Variants in FAF1 observed in about 807,000 individuals in gnomAD.
FAF1 encodes the protein Fas associated factor 1, also known as FAS-associated factor 1.
In FAF1, 25 loss-of-function variants were observed where a neutral mutation model predicts 92.5. The ratio of observed to expected loss-of-function variants is 0.27; its 90% confidence interval spans 0.20 to 0.38. The LOEUF (loss-of-function observed/expected upper bound fraction) is 0.38, where lower values mean the gene tolerates loss of function less well. Ranked by LOEUF, FAF1 falls within the 10% of genes least tolerant of loss-of-function variation. The pLI is 1.00. For missense variants in FAF1, 636 were observed against 793.3 expected (o/e 0.80, Z 2.38); for synonymous variants, 234 against 273.2 (o/e 0.86, Z 1.42).
intron 1 of FAF1, among the ~76,000 whole-genome samples, chr1:50,933,728 T>A (rs1413983699): frequency 1.3e-5 from 2 of 152,226 alleles, no homozygotes; most frequent in East Asian, 3.8e-4. Context: ...ATGCTGCTGA[T>A]ACAGACACAT....
intron 6 of FAF1, among the ~76,000 whole-genome samples, chr1:50,710,312 T>C (rs1657865858): frequency 6.6e-6 from 1 of 152,214 alleles, no homozygotes; most frequent in Admixed American, 6.5e-5. Flanking sequence ...ACCAATTTTG[T>C]CTAGTTCTAC....
At chr1:50,585,883 A>T (rs1451900917) in intron 9 of FAF1, among the ~76,000 whole-genome samples, 2 of 143,708 alleles carry the variant, frequency 1.4e-5, no homozygotes, top group African/African-American at 5.4e-5. Flanking sequence ...CTCTACATAA[A>T]AAAAAAAAAA....
intron 7 of FAF1, among the ~76,000 whole-genome samples, chr1:50,674,732 G>C (rs1179387440): frequency 4.6e-5 from 7 of 152,054 alleles, no homozygotes; most frequent in Non-Finnish European, 1.0e-4. Context: ...GCCAATGAAA[G>C]TCACTTATTT....
At chr1:50,951,265 C>A (rs1198906399) in intron 1 of FAF1, among the ~76,000 whole-genome samples, 1 of 152,190 alleles carries the variant, frequency 6.6e-6, no homozygotes, top group Non-Finnish European at 1.5e-5. Flanking sequence ...TTGTTTCAAA[C>A]CAACCTATGA....
intron 1 of FAF1, among the ~76,000 whole-genome samples, chr1:50,885,295 T>TCTCTC (rs1644649703): frequency 7.3e-6 from 1 of 137,324 alleles, no homozygotes; most frequent in African/African-American, 2.9e-5. Context: ...CCGTGTCTCT[T>TCTCTC]TCTCTCTCTC....
chr1:50,944,866 A>C (rs1011235985), intron 1 of FAF1, among the ~76,000 whole-genome samples: 2 of 152,188 alleles, frequency 1.3e-5, no homozygotes, highest in African/African-American at 4.8e-5. Context: ...GGAATCCTGA[A>C]TTCTCAAAAT....
chr1:50,498,979 C>G (rs974669208), intron 15 of FAF1, among the ~76,000 whole-genome samples: 2 of 152,042 alleles, frequency 1.3e-5, no homozygotes, highest in African/African-American at 4.8e-5. Context: ...AATAATCCAA[C>G]TGTTCAACAG....
At chr1:50,765,997 CAGA>C (rs1180277863) in intron 4 of FAF1, among the ~76,000 whole-genome samples, 2 of 151,974 alleles carry the variant, frequency 1.3e-5, no homozygotes, top group Non-Finnish European at 2.9e-5. Flanking sequence ...GAGGCTGAGG[CAGA>C]AGAATAGCTT....
rs1241694743 is a variant in FAF1, at chr1:50,583,771, AAAAC to A, written c.968-60_968-57del. 9 of 1,085,270 alleles carry A rather than the reference AAAAC, an allele frequency of 8.3e-6. No homozygotes were observed. The highest frequency in any genetic ancestry group is 2.9e-5 in the South Asian group (2 of 69,982). 67.2% of individuals were successfully genotyped at this position (1,085,270 alleles called of 1,614,324 possible). A position where few individuals can be genotyped will look rare whatever the true frequency, so the allele number is the denominator to read the frequency against. ...CAAAAAAACAAAACAAATAGACACA[AAAAC>A]AAACCACATAACATCTAATCCCACA... is the stretch of plus-strand genomic sequence containing the variant. On this transcript the variant is annotated intron_variant, in intron 10 of 18. Transcript: ENST00000396153. The surrounding 1 kb of genome is among the most constrained non-coding windows in gnomAD (Gnocchi z 4.2).
intron 2 of FAF1, among the ~76,000 whole-genome samples, chr1:50,824,087 T>G (rs1644070321): frequency 6.6e-6 from 1 of 152,170 alleles, no homozygotes; most frequent in African/African-American, 2.4e-5. Context: ...AGAGTGTAAA[T>G]AATGTCATTT....
At chr1:50,952,150 G>C (rs555282197) in intron 1 of FAF1, among the ~76,000 whole-genome samples, 1 of 152,296 alleles carries the variant, frequency 6.6e-6, no homozygotes, top group South Asian at 2.1e-4. Flanking sequence ...GTCTCCCTCT[G>C]ATGCCCAGCC....
At chr1:50,451,149 G>A (rs577569504) in intron 18 of FAF1, among the ~76,000 whole-genome samples, 3 of 152,192 alleles carry the variant, frequency 2.0e-5, no homozygotes, top group Admixed American at 6.5e-5. Flanking sequence ...CATAGGTGTC[G>A]AGGACATTTT....
At chr1:50,785,132 CAAAAAAAAAA>C (rs748061344) in intron 4 of FAF1, among the ~76,000 whole-genome samples, 1 of 59,130 alleles carries the variant, frequency 1.7e-5, no homozygotes, top group Non-Finnish European at 3.2e-5. Flanking sequence ...GACCCTATCT[CAAAAAAAAAA>C]AAAAAAAAAA....
At chr1:50,609,422 T>G (rs1652591661) in intron 8 of FAF1, among the ~76,000 whole-genome samples, 1 of 152,180 alleles carries the variant, frequency 6.6e-6, no homozygotes, top group Non-Finnish European at 1.5e-5. Context: ...TCTCACTCTG[T>G]CACCCAGGCT....
At chr1:50,710,105 G>A (rs901144179) in intron 6 of FAF1, among the ~76,000 whole-genome samples, 22 of 152,164 alleles carry the variant, frequency 1.4e-4, no homozygotes, top group African/African-American at 3.6e-4. Flanking sequence ...TGAGGAGCTC[G>A]GAGTTCCAGA....
At chr1:50,954,403 G>A (rs1418217768) in intron 1 of FAF1, among the ~76,000 whole-genome samples, 1 of 152,138 alleles carries the variant, frequency 6.6e-6, no homozygotes, top group Non-Finnish European at 1.5e-5. Context: ...CAGGCCAGGT[G>A]TGTTGGCTCA....
At chr1:50,698,564 T>A (rs1303699267) in intron 7 of FAF1, among the ~76,000 whole-genome samples, 2 of 152,142 alleles carry the variant, frequency 1.3e-5, no homozygotes, top group African/African-American at 4.8e-5. Flanking sequence ...TTATTTTAAA[T>A]GGTCTGCTGC....
chr1:50,940,736 T>C (rs1369094665), intron 1 of FAF1, among the ~76,000 whole-genome samples: 4 of 152,232 alleles, frequency 2.6e-5, no homozygotes, highest in Non-Finnish European at 4.4e-5. Flanking sequence ...ATGAAAGTAA[T>C]GTACAGGCAC....
chr1:50,836,172 T>TTTTTTTTTTTTTTTG (rs1644201908), intron 2 of FAF1, among the ~76,000 whole-genome samples: 1 of 134,732 alleles, frequency 7.4e-6, no homozygotes, highest in African/African-American at 3.0e-5. Flanking sequence ...TTGTTTCTGT[T>TTTTTTTTTTTTTTTG]TTTTTTTTTT....
Sources: gnomAD v4.1 joint callset for allele counts (sites outside exome capture counted in the v4.1 genomes callset) on GRCh38, gnomAD v4.1.1 for gene constraint, Gnocchi (gnomAD v3.1) non-coding constraint, MANE v1.5 for transcripts, NCBI Gene and HGNC (gene_info 2026-07-23, HGNC 2026-07-21) for gene names.